The following FCHSD2 variants were observed in gnomAD, a reference collection of about 807,000 sequenced individuals.
FCHSD2 encodes the protein F-BAR and double SH3 domains protein 2.
FCHSD2 carries 38 observed loss-of-function variants against 108.1 expected under a neutral mutation model. That is an observed-to-expected ratio of 0.35 (90% CI 0.27 to 0.46). The LOEUF is 0.46. Among genes scored for constraint, FCHSD2 ranks in the 20% least tolerant of loss-of-function variants. The pLI, the probability that FCHSD2 is intolerant of heterozygous loss-of-function variation, is 1.00. For synonymous variants in FCHSD2, 279 were observed against 314.7 expected (o/e 0.89, Z 1.20); for missense variants, 751 against 897.8 (o/e 0.84, Z 2.09).
Position 73,142,086 on chromosome 11 carries a change from A to C in FCHSD2, c.-209T>G. On this transcript the variant is annotated 5_prime_UTR_variant, in exon 1 of 20. Transcript: ENST00000409418. The stretch of plus-strand genomic sequence containing the variant: ...GAGTGTGAGGAGACGAGGGAGGAGC[A>C]CCGGGAAGGCTTGGGGCCCGGGCGG... 2.2e-6 allele frequency: 1 copy of C among 460,144 alleles called. No homozygotes were observed. Among genetic ancestry groups the C allele is most frequent in the Non-Finnish European group, 3.8e-6 (1 of 260,006 alleles). 28.5% of individuals were successfully genotyped at this position (460,144 alleles called of 1,614,324 possible).
At chr11:72,929,027 C>T (rs1337916158) in intron 8 of FCHSD2, among the ~76,000 whole-genome samples, 1 of 152,132 alleles carries the variant, frequency 6.6e-6, no homozygotes. Flanking sequence ...CCAGCTTCAT[C>T]CATGTCCCTA....
chr11:73,003,029 ATG>A (rs781370620), intron 4 of FCHSD2, among the ~76,000 whole-genome samples: 12 of 152,230 alleles, frequency 7.9e-5, no homozygotes, highest in African/African-American at 9.6e-5. Context: ...TGTATTAACT[ATG>A]AAGACTGTAC....
At chr11:73,086,842 T>G (rs1241431261) in intron 2 of FCHSD2, among the ~76,000 whole-genome samples, 1 of 152,140 alleles carries the variant, frequency 6.6e-6, no homozygotes, top group South Asian at 2.1e-4. Context: ...ATAAATACAA[T>G]GTGGTATATA....
At chr11:72,849,710 A>C (rs768373494) in intron 14 of FCHSD2, 45 bp downstream of exon 14, 3 of 1,466,630 alleles carry the variant, frequency 2.0e-6, no homozygotes, top group South Asian at 2.3e-5. Context: ...GTGTATCTTC[A>C]GAGTTAATCA....
chr11:73,034,967 C>T (rs987751489), intron 3 of FCHSD2, among the ~76,000 whole-genome samples: 10 of 152,088 alleles, frequency 6.6e-5, no homozygotes, highest in Non-Finnish European at 1.2e-4. Flanking sequence ...ATAAATGTCA[C>T]CTGCTGAGTC....
chr11:72,889,484 T>G (rs530865223), intron 11 of FCHSD2, among the ~76,000 whole-genome samples: 1 of 152,108 alleles, frequency 6.6e-6, no homozygotes. Context: ...AAAAAACACA[T>G]ATAATGCTTG....
chr11:72,969,081 G>A (rs1438186828), intron 8 of FCHSD2, among the ~76,000 whole-genome samples: 1 of 151,918 alleles, frequency 6.6e-6, no homozygotes, highest in Non-Finnish European at 1.5e-5. Context: ...AGTATACCTG[G>A]GGTATCACTT....
chr11:72,866,209 G>A (rs1258146210), intron 13 of FCHSD2, among the ~76,000 whole-genome samples: 1 of 152,164 alleles, frequency 6.6e-6, no homozygotes, highest in African/African-American at 2.4e-5. Context: ...CTTTTAGAAA[G>A]TGCAATAGTA....
At chr11:72,888,154 T>C (rs1437463728) in intron 11 of FCHSD2, among the ~76,000 whole-genome samples, 4 of 152,200 alleles carry the variant, frequency 2.6e-5, no homozygotes, top group African/African-American at 9.7e-5. Flanking sequence ...AGAAACTGAA[T>C]ATTTCATTGT....
intron 8 of FCHSD2, among the ~76,000 whole-genome samples, chr11:72,972,782 T>C (rs772222608): frequency 6.6e-6 from 1 of 152,208 alleles, no homozygotes; most frequent in Non-Finnish European, 1.5e-5. Flanking sequence ...TGTTTCTGGC[T>C]CAATGACAGT....
At chr11:73,095,943 C>T (rs1466700191) in intron 2 of FCHSD2, among the ~76,000 whole-genome samples, 2 of 151,346 alleles carry the variant, frequency 1.3e-5, no homozygotes, top group Non-Finnish European at 2.9e-5. Flanking sequence ...AAAACCTGCT[C>T]ACAAACAAAA....
chr11:73,089,587 A>C (rs1394537421), intron 2 of FCHSD2, among the ~76,000 whole-genome samples: 1 of 152,254 alleles, frequency 6.6e-6, no homozygotes, highest in Non-Finnish European at 1.5e-5. Flanking sequence ...TATATAATGG[A>C]ATGTTATTCA....
intron 8 of FCHSD2, among the ~76,000 whole-genome samples, chr11:72,979,002 T>A (rs1857163938): frequency 6.6e-6 from 1 of 151,824 alleles, no homozygotes; most frequent in South Asian, 2.1e-4. Context: ...GGACTACAAG[T>A]GCATGCCTCC....
chr11:72,940,949 T>C (rs1344989527), intron 8 of FCHSD2: 1 of 768,732 alleles, frequency 1.3e-6, no homozygotes, highest in South Asian at 1.3e-5. Flanking sequence ...ACCCAATGGA[T>C]CACCAAAGCA....
chr11:72,937,275 CAAAA>C (rs1170898074), intron 8 of FCHSD2, among the ~76,000 whole-genome samples: 2 of 152,068 alleles, frequency 1.3e-5, no homozygotes, highest in Non-Finnish European at 2.9e-5. Flanking sequence ...CTGCTGCAAA[CAAAA>C]AAATTCTTGG....
intron 8 of FCHSD2, among the ~76,000 whole-genome samples, chr11:72,951,536 A>G (rs1856620328): frequency 6.6e-6 from 1 of 152,194 alleles, no homozygotes; most frequent in Non-Finnish European, 1.5e-5. Flanking sequence ...ACATTTCTGA[A>G]CTGTGGGATT....
At chr11:72,910,351 G>A (rs1020602388) in intron 9 of FCHSD2, among the ~76,000 whole-genome samples, 23 of 152,204 alleles carry the variant, frequency 1.5e-4, no homozygotes, top group East Asian at 7.7e-4. Context: ...CATCGAGAAC[G>A]GGCCATGATG....
At chr11:73,127,969 A>T (rs867711854) in intron 2 of FCHSD2, among the ~76,000 whole-genome samples, 1 of 150,496 alleles carries the variant, frequency 6.6e-6, no homozygotes, top group African/African-American at 2.4e-5. Flanking sequence ...TTGTGAGATC[A>T]CACCACTGTA....
At chr11:73,027,040 T>C (rs1858245946) in intron 3 of FCHSD2, among the ~76,000 whole-genome samples, 1 of 151,898 alleles carries the variant, frequency 6.6e-6, no homozygotes, top group African/African-American at 2.4e-5. Context: ...ATACAGAAAA[T>C]TGGTACCGAG....
Sources: allele counts gnomAD v4.1 joint callset (sites outside exome capture counted in the v4.1 genomes callset), GRCh38; gene constraint gnomAD v4.1.1; transcripts MANE v1.5; gene names NCBI Gene and HGNC (gene_info 2026-07-23, HGNC 2026-07-21).